NBPF9: variants seen among roughly 807,000 people sequenced by gnomAD.
NBPF9 encodes NBPF family member NBPF9.
NBPF9 carries 91 observed loss-of-function variants against 97.8 expected under a neutral mutation model. The observed-to-expected ratio is 0.93, with a 90% CI of 0.79 to 1.11. NBPF9 has a LOEUF of 1.11. Among genes scored for constraint, NBPF9 ranks in the 50% least tolerant of loss-of-function variants. NBPF9 has a pLI of 0.00. For missense variants in NBPF9, 992 were observed against 939.5 expected (o/e 1.06, Z -0.73); for synonymous variants, 334 against 359.5 (o/e 0.93, Z 0.80).
chr1:149,103,099 G>A (rs1278223515), intron 1 of NBPF9, among the ~76,000 whole-genome samples: 3 of 152,014 alleles, frequency 2.0e-5, no homozygotes, highest in Non-Finnish European at 4.4e-5. Flanking sequence ...AGAGATGAGG[G>A]CTGCGGGCGG....
At chr1:149,085,415 G>C (rs1365210080) in intron 5 of NBPF9, among the ~76,000 whole-genome samples, 1 of 152,044 alleles carries the variant, frequency 6.6e-6, no homozygotes, top group East Asian at 1.9e-4. Context: ...CCAACTTATT[G>C]CTTCTTCAAT....
intron 5 of NBPF9, among the ~76,000 whole-genome samples, chr1:149,088,074 G>A (rs1553659146): frequency 6.6e-6 from 1 of 152,000 alleles, no homozygotes; most frequent in Non-Finnish European, 1.5e-5. Context: ...CTCATGATCT[G>A]CCCACCTCGG....
chr1:149,074,925 C>T (rs2079727300), intron 12 of NBPF9, among the ~76,000 whole-genome samples: 1 of 151,326 alleles, frequency 6.6e-6, no homozygotes, highest in African/African-American at 2.4e-5. Flanking sequence ...GATTCTCCTG[C>T]CTCAGCCTCC....
Position 149,081,155 on chromosome 1 carries a change from T to C in NBPF9, c.175+810A>G, listed in dbSNP as rs1407345192. ...GTTTGTTTTTTGACGAGTCTTGCCC[T>C]GTCACCCATGCTGGAGTGCAATAGT... is the stretch of plus-strand genomic sequence containing the variant. On this transcript the variant is annotated intron_variant, in intron 7 of 29. Transcript: ENST00000584027. Among the ~76,000 whole-genome samples, 71 of 152,270 alleles carry C rather than the reference T, an allele frequency of 4.7e-4. No homozygotes were observed. The Middle Eastern group carries it at 0.014, about 29-fold the overall frequency.
intron 10 of NBPF9, 57 bp from the exon 11 acceptor site, chr1:149,077,476 C>G (rs1575846113): frequency 6.2e-7 from 1 of 1,601,570 alleles, no homozygotes; most frequent in African/African-American, 1.3e-5. Flanking sequence ...GGATTGGACC[C>G]CAGGGAGTAC....
Position 149,089,878 on chromosome 1 carries a change from A to C in NBPF9, c.-195+875T>G, listed in dbSNP as rs1259442861. Among the ~76,000 whole-genome samples the C allele has an allele frequency of 3.3e-5, 5 of 152,238 alleles. No individual in the cohort carries two copies. The East Asian group carries it at 9.6e-4, about 29-fold the overall frequency. On this transcript the variant is annotated intron_variant, in intron 5 of 29. Coordinates refer to ENST00000584027, the Ensembl canonical transcript of NBPF9. ...ACACAGAGACTGCCAGGCTGAGGGA[A>C]GGTGCAAGAGAATAGAAGAGATGCT...
At chr1:149,093,349 G>A (rs2081535046) in intron 4 of NBPF9, among the ~76,000 whole-genome samples, 1 of 151,756 alleles carries the variant, frequency 6.6e-6, no homozygotes. Flanking sequence ...GGACGAGCAG[G>A]AGACAGATGC....
chr1:149,080,351 G>A (rs1474028403), intron 7 of NBPF9, among the ~76,000 whole-genome samples, 196 bp from the exon 8 acceptor site: 10 of 150,256 alleles, frequency 6.7e-5, no homozygotes, highest in Non-Finnish European at 1.5e-4. Context: ...TAAAGACGAA[G>A]AAAGAGAACC....
At chr1:149,072,984 G>T (rs587643602) in intron 13 of NBPF9, 52 bp from the exon 14 acceptor site, 5 of 1,570,086 alleles carry the variant, frequency 3.2e-6, no homozygotes, top group Middle Eastern at 2.3e-4. Flanking sequence ...TGAGTGATCC[G>T]CTCAAATATT....
intron 5 of NBPF9, chr1:149,090,386 A>G (rs1323634053): frequency 4.3e-6 from 1 of 230,598 alleles, no homozygotes; most frequent in Non-Finnish European, 8.5e-6. Context: ...CACTGAACCA[A>G]TTCTATGACC....
intron 27 of NBPF9, among the ~76,000 whole-genome samples, 190 bp from the exon 28 acceptor site, chr1:149,057,697 A>T (rs2078295560): frequency 1.4e-4 from 6 of 41,814 alleles, no homozygotes; most frequent in Admixed American, 7.0e-4. Context: ...AAAGAGAAAG[A>T]CAGATAGACA....
At chr1:149,093,307 C>T (rs1454738664) in intron 4 of NBPF9, among the ~76,000 whole-genome samples, 5 of 151,664 alleles carry the variant, frequency 3.3e-5, no homozygotes, top group South Asian at 4.2e-4. Flanking sequence ...AATATACAAT[C>T]GGGCTTTACA....
intron 5 of NBPF9, among the ~76,000 whole-genome samples, chr1:149,084,966 TCAA>T (rs1365754082): frequency 6.6e-5 from 10 of 152,038 alleles, no homozygotes; most frequent in Admixed American, 4.6e-4. Flanking sequence ...GGCAATTTCA[TCAA>T]CAAGTAATGT....
chr1:149,073,696 T>G (rs1246060619), intron 13 of NBPF9, 72 bp downstream of exon 13: 3 of 1,211,378 alleles, frequency 2.5e-6, no homozygotes, highest in African/African-American at 1.4e-5. Context: ...CTCTTACGTC[T>G]CCCCACCGAG....
intron 11 of NBPF9, among the ~76,000 whole-genome samples, chr1:149,076,159 A>G (rs2079848949): frequency 6.6e-6 from 1 of 151,948 alleles, no homozygotes; most frequent in African/African-American, 2.4e-5. Context: ...GTTTCTGTGT[A>G]GCACAAAAGA....
chr1:149,083,077 G>A lies in NBPF9; in HGVS notation c.-194-647C>T, dbSNP rs1280976491. ...GCCGCCTCAGCCTCCCAAAGTGCTG[G>A]GATTACAGGCGTGAGCCACCGCGCC... is the stretch of plus-strand genomic sequence containing the variant. On this transcript the variant is annotated intron_variant, in intron 5 of 29. Coordinates refer to ENST00000584027, the Ensembl canonical transcript of NBPF9. Among the ~76,000 whole-genome samples the A allele has an allele frequency of 1.7e-4, 25 of 148,406 alleles. 1 individual carries two copies. The highest frequency in any genetic ancestry group is 1.7e-3 in the Admixed American group (24 of 14,408).
At chr1:149,055,374 T>A in exon 30 of NBPF9, 1 of 612,506 alleles carries the variant, frequency 1.6e-6, no homozygotes, top group Non-Finnish European at 2.7e-6. Flanking sequence ...CCTGAGGAAT[T>A]TTGTAGCTAC....
chr1:149,072,747 G>A, exon 14 of NBPF9: 1 of 1,611,020 alleles, frequency 6.2e-7, no homozygotes, highest in Non-Finnish European at 8.5e-7. Flanking sequence ...AAGGTGCTGT[G>A]CCAGTCTACA....
intron 5 of NBPF9, among the ~76,000 whole-genome samples, chr1:149,084,859 TTGTA>T (rs2080859720): frequency 6.7e-6 from 1 of 149,828 alleles, no homozygotes; most frequent in Non-Finnish European, 1.5e-5. Context: ...CCACGGATCT[TTGTA>T]TGAAGAGCAT....
Sources: gnomAD v4.1 joint callset for allele counts (sites outside exome capture counted in the v4.1 genomes callset) on GRCh38, gnomAD v4.1.1 for gene constraint, MANE v1.5 for transcripts, NCBI Gene and HGNC (gene_info 2026-07-23, HGNC 2026-07-21) for gene names.